ABL2: variants seen among roughly 807,000 people sequenced by gnomAD.
The protein encoded by ABL2 is ABL proto-oncogene 2, non-receptor tyrosine kinase.
A neutral mutation model predicts 107.7 loss-of-function variants in ABL2; 49 were observed. The observed-to-expected ratio is 0.45, with a 90% CI of 0.36 to 0.58. The LOEUF is 0.58. ABL2 is among the 20% of genes least tolerant of loss of function. The pLI is 0.00. For synonymous variants in ABL2, 549 were observed against 548.6 expected (o/e 1.00, Z -0.01); for missense variants, 1,245 against 1,457.0 (o/e 0.85, Z 2.37).
rs188937697 is a variant in ABL2, at chr1:179,136,843, G to A, written c.158-3469C>T. On this transcript the variant is annotated intron_variant, in intron 1 of 11. Coordinates refer to ENST00000502732, the MANE Select transcript of ABL2 (RefSeq NM_007314.4). The stretch of plus-strand genomic sequence containing the variant: ...AGGCACGAGAATTGCTTGAGTCTGG[G>A]AGGTGGAGGTTGCAGTGAGCCAAGA... Among the ~76,000 whole-genome samples, 374 of 151,290 alleles carry A rather than the reference G, an allele frequency of 2.5e-3. 5 individuals are homozygous for A. Among genetic ancestry groups the A allele is most frequent in the African/African-American group, 8.8e-3 (363 of 41,362 alleles).
chr1:179,137,308 T>G (rs1657126486), intron 1 of ABL2, among the ~76,000 whole-genome samples: 1 of 152,240 alleles, frequency 6.6e-6, no homozygotes, highest in African/African-American at 2.4e-5. Flanking sequence ...TCTAGCAGAA[T>G]TTCCACTGGC....
intron 10 of ABL2, 29 bp downstream of exon 10, chr1:179,112,280 C>A: frequency 6.3e-7 from 1 of 1,587,812 alleles, no homozygotes; most frequent in South Asian, 1.1e-5. Flanking sequence ...CAGAATTAGT[C>A]ACCAACAGTA....
In ABL2 at chr1:179,169,125, A is replaced by C. The variant is rs543988058; in HGVS notation, c.158-35751T>G. On this transcript the variant is annotated intron_variant, in intron 1 of 11. Transcript: ENST00000502732. Reference sequence around the variant, plus strand: ...TTCTTTCAGAGAGTTGAGAGTTAGAAATGAAAATCATAAAATAGAAATGAA... The same window carrying C: ...TTCTTTCAGAGAGTTGAGAGTTAGACATGAAAATCATAAAATAGAAATGAA... 7.2e-5 allele frequency among the ~76,000 whole-genome samples: 11 copies of C among 152,260 alleles called. 1 individual carries two copies. The South Asian group carries it at 2.3e-3, about 32-fold the overall frequency.
chr1:179,205,029 CTTTT>C (rs752957278), intron 1 of ABL2, among the ~76,000 whole-genome samples: 1 of 138,210 alleles, frequency 7.2e-6, no homozygotes, highest in African/African-American at 2.7e-5. Context: ...AACTCTTTTT[CTTTT>C]TTTTTTTTTT....
intron 1 of ABL2, among the ~76,000 whole-genome samples, chr1:179,196,027 C>T (rs780228881): frequency 6.6e-6 from 1 of 152,192 alleles, no homozygotes; most frequent in Admixed American, 6.5e-5. Context: ...CAATGGCTCA[C>T]GCTTGTAATC....
chr1:179,128,116 T>G (rs1373227678), intron 3 of ABL2, among the ~76,000 whole-genome samples: 1 of 151,996 alleles, frequency 6.6e-6, no homozygotes, highest in African/African-American at 2.4e-5. Context: ...TAACCATCTG[T>G]CCTTTTTTAG....
At chr1:179,185,005 A>G (rs554029442) in intron 1 of ABL2, among the ~76,000 whole-genome samples, 1 of 152,286 alleles carries the variant, frequency 6.6e-6, no homozygotes, top group East Asian at 1.9e-4. Flanking sequence ...CTCTGCTGGA[A>G]GCTGGAGGGT....
intron 1 of ABL2, among the ~76,000 whole-genome samples, chr1:179,179,641 G>C (rs1354815951): frequency 6.6e-6 from 1 of 152,042 alleles, no homozygotes; most frequent in Non-Finnish European, 1.5e-5. Context: ...GTATCATAGA[G>C]CAAGAGTGTC....
chr1:179,112,470 AGTT>A, intron 9 of ABL2, 72 bp from the exon 10 acceptor site: 1 of 1,172,342 alleles, frequency 8.5e-7, no homozygotes, highest in Non-Finnish European at 1.3e-6. Flanking sequence ...TCTAATAATG[AGTT>A]CTATGCATCA....
At chr1:179,179,563 A>G (rs910324371) in intron 1 of ABL2, among the ~76,000 whole-genome samples, 2 of 152,082 alleles carry the variant, frequency 1.3e-5, no homozygotes, top group South Asian at 2.1e-4. Flanking sequence ...AACCTCATGT[A>G]CTAATACGGG....
At chr1:179,198,920 C>A (rs370244656) in intron 1 of ABL2, among the ~76,000 whole-genome samples, 17 of 150,174 alleles carry the variant, frequency 1.1e-4, no homozygotes, top group African/African-American at 3.9e-4. Flanking sequence ...CGGCTCACTG[C>A]AACCTCTGCC....
At chr1:179,138,911 G>C (rs1657298628) in intron 1 of ABL2, among the ~76,000 whole-genome samples, 1 of 152,208 alleles carries the variant, frequency 6.6e-6, no homozygotes, top group Non-Finnish European at 1.5e-5. Context: ...GTGGGCGTGG[G>C]CTTGGCGGGC....
rs1160666148 is a variant in ABL2, at chr1:179,106,312, T to C, written c.*1406A>G. On this transcript the variant is annotated 3_prime_UTR_variant, in exon 12 of 12. Coordinates refer to ENST00000502732, the MANE Select transcript of ABL2 (RefSeq NM_007314.4). ...ACTAAGGAAGGAAGGAAAAGGCCTATTTTTCAAGGGCAAAACATATTTAAG... is the reference window on the plus strand; with the variant it reads ...ACTAAGGAAGGAAGGAAAAGGCCTACTTTTCAAGGGCAAAACATATTTAAG... 1.3e-5 allele frequency: 3 copies of C among 229,796 alleles called. No individual in the cohort carries two copies. Among genetic ancestry groups the C allele is most frequent in the Non-Finnish European group, 2.6e-5 (3 of 116,080 alleles). 14.2% of individuals were successfully genotyped at this position (229,796 alleles called of 1,614,324 possible).
At position 179,106,346 on chromosome 1, in the gene ABL2, C is replaced by T. The variant is rs773991068; in HGVS notation, c.*1372G>A. 7 of 230,908 alleles carry T rather than the reference C, an allele frequency of 3.0e-5. No individual in the cohort carries two copies. The highest frequency in any genetic ancestry group is 1.2e-4 in the East Asian group (2 of 16,268). The allele number at this position is 230,908 out of a possible 1,614,324, so 14.3% of individuals were successfully genotyped here. On this transcript the variant is annotated 3_prime_UTR_variant, in exon 12 of 12. Transcript: ENST00000502732. Reference sequence around the variant, plus strand: ...GGCAAAACATATTTAAGGATTAAGTCATTAGGTTCCCAGGGTCTACCTGGT... The same window carrying T: ...GGCAAAACATATTTAAGGATTAAGTTATTAGGTTCCCAGGGTCTACCTGGT...
At chr1:179,201,026 CT>C (rs754062579) in intron 1 of ABL2, among the ~76,000 whole-genome samples, 5 of 152,174 alleles carry the variant, frequency 3.3e-5, no homozygotes, top group Non-Finnish European at 7.4e-5. Flanking sequence ...GAAAGGTGTT[CT>C]CTATAAACCA....
At chr1:179,178,612 G>T (rs373205124) in intron 1 of ABL2, among the ~76,000 whole-genome samples, 1 of 151,534 alleles carries the variant, frequency 6.6e-6, no homozygotes, top group African/African-American at 2.4e-5. Context: ...AACATCGGGC[G>T]GGCATGGTGG....
At chr1:179,162,457 C>A (rs1372312232) in intron 1 of ABL2, among the ~76,000 whole-genome samples, 1 of 152,022 alleles carries the variant, frequency 6.6e-6, no homozygotes, top group Non-Finnish European at 1.5e-5. Context: ...TGGTGGTACA[C>A]GTCTGTAACC....
chr1:179,147,220 T>C (rs548779186), intron 1 of ABL2, among the ~76,000 whole-genome samples: 2 of 137,740 alleles, frequency 1.5e-5, no homozygotes, highest in East Asian at 2.0e-4. Flanking sequence ...CAACTGATGT[T>C]GGCAAGGATG....
At chr1:179,160,254 C>G (rs1460685220) in intron 1 of ABL2, among the ~76,000 whole-genome samples, 3 of 152,036 alleles carry the variant, frequency 2.0e-5, no homozygotes, top group African/African-American at 7.2e-5. Context: ...TGGCTTACAT[C>G]TGCAATCCCA....
Sources: gnomAD v4.1 joint callset for allele counts (sites outside exome capture counted in the v4.1 genomes callset) on GRCh38, gnomAD v4.1.1 for gene constraint, MANE v1.5 for transcripts, NCBI Gene and HGNC (gene_info 2026-07-23, HGNC 2026-07-21) for gene names.